Variants in XPR1 observed in about 807,000 individuals in gnomAD.
XPR1 encodes solute carrier family 53 member 1.
Under a neutral mutation model 87.5 loss-of-function variants are expected in XPR1, and 28 were observed. The observed-to-expected ratio is 0.32, with a 90% CI of 0.24 to 0.44. The LOEUF is 0.44. Among genes scored for constraint, XPR1 ranks in the 20% least tolerant of loss-of-function variants. XPR1 has a pLI of 1.00. For synonymous variants in XPR1, 300 were observed against 306.1 expected (o/e 0.98, Z 0.21); for missense variants, 559 against 862.3 (o/e 0.65, Z 4.41).
At position 180,888,230 on chromosome 1, in the gene XPR1, C is replaced by G. The variant is rs965366928; in HGVS notation, c.*4164C>G. On this transcript the variant is annotated 3_prime_UTR_variant, in exon 15 of 15. Transcript: ENST00000367590. The stretch of plus-strand genomic sequence containing the variant: ...CCAAATGCAGTTTTCTAAGCAGTGA[C>G]CACAAAAATTTCTTATTCTAAGGAA... The G allele has an allele frequency of 5.9e-5, 9 of 151,824 alleles. No individual in the cohort carries two copies. The highest frequency in any genetic ancestry group is 1.2e-4 in the Non-Finnish European group (8 of 67,978). The allele number at this position is 151,824 out of a possible 1,614,324, so 9.4% of individuals were successfully genotyped here.
rs529572627 is a variant in XPR1 at position 180,632,634 on chromosome 1, C to A, written c.69+364C>A. The stretch of plus-strand genomic sequence containing the variant: ...CTGTTCCGCGCTAATCCCCTTCTCC[C>A]CACTCGCCCTGACCTCTCGTCCCCA... On this transcript the variant is annotated intron_variant, in intron 1 of 14. Coordinates refer to ENST00000367590, the MANE Select transcript of XPR1 (RefSeq NM_004736.4). Among the ~76,000 whole-genome samples, 201 of 152,352 alleles carry A rather than the reference C, an allele frequency of 1.3e-3. 1 individual carries two copies. Among genetic ancestry groups the A allele is most frequent in the Non-Finnish European group, 2.6e-3 (177 of 68,020 alleles).
At chr1:180,695,408 T>TTGTGTGTGTGTGTGTGTGTG (rs1205037869) in intron 2 of XPR1, among the ~76,000 whole-genome samples, 6 of 148,544 alleles carry the variant, frequency 4.0e-5, no homozygotes, top group African/African-American at 1.5e-4. Flanking sequence ...GTAGTCCCAT[T>TTGTGTGTGTGTGTGTGTGTG]TGTGTGTGTG....
chr1:180,692,909 A>G (rs1257980480), intron 2 of XPR1, among the ~76,000 whole-genome samples: 1 of 152,188 alleles, frequency 6.6e-6, no homozygotes, highest in Non-Finnish European at 1.5e-5. Flanking sequence ...TTTCTTTGTG[A>G]CACTGTTTAA....
intron 11 of XPR1, among the ~76,000 whole-genome samples, chr1:180,850,501 G>C (rs1330356562): frequency 6.6e-6 from 1 of 151,948 alleles, no homozygotes. Context: ...CTGTATTATA[G>C]CTGCTTAAAG....
Position 180,880,311 on chromosome 1 carries a change from C to T in XPR1, c.2030+14C>T, listed in dbSNP as rs531371664. 2 of 1,613,736 alleles carry T rather than the reference C, an allele frequency of 1.2e-6. No homozygotes were observed. Among genetic ancestry groups the T allele is most frequent in the South Asian group, 2.2e-5 (2 of 91,056 alleles). ...CCTCGCTTCTCAGTATGTATGGCTT[C>T]TACTTCTGTGAGGCATATTTCCTTT... On this transcript the variant is annotated intron_variant, in intron 14 of 14. Coordinates refer to ENST00000367590, the MANE Select transcript of XPR1 (RefSeq NM_004736.4).
At chr1:180,847,305 T>A (rs1651718337) in intron 11 of XPR1, among the ~76,000 whole-genome samples, 1 of 152,232 alleles carries the variant, frequency 6.6e-6, no homozygotes, top group Non-Finnish European at 1.5e-5. Flanking sequence ...AAACTTTCTA[T>A]TGCAGAAAGT....
At chr1:180,813,129 C>T (rs1325776990) in intron 7 of XPR1, among the ~76,000 whole-genome samples, 2 of 151,440 alleles carry the variant, frequency 1.3e-5, no homozygotes, top group Non-Finnish European at 2.9e-5. Context: ...AACTCCTTGC[C>T]ATTGCCTGCA....
At chr1:180,696,422 C>G (rs1035445367) in intron 2 of XPR1, among the ~76,000 whole-genome samples, 2 of 151,888 alleles carry the variant, frequency 1.3e-5, no homozygotes, top group African/African-American at 4.8e-5. Context: ...AGCAGGACAA[C>G]TTGACTTTCT....
chr1:180,669,937 C>A (rs927705871), intron 1 of XPR1, among the ~76,000 whole-genome samples: 1 of 152,066 alleles, frequency 6.6e-6, no homozygotes, highest in African/African-American at 2.4e-5. Context: ...TATGGGTAAA[C>A]AAAACTGTGG....
At chr1:180,839,823 G>GTAAATA (rs1651439986) in intron 11 of XPR1, among the ~76,000 whole-genome samples, 1 of 152,168 alleles carries the variant, frequency 6.6e-6, no homozygotes, top group Non-Finnish European at 1.5e-5. Context: ...TTGTGAAAAG[G>GTAAATA]TAAATATATG....
intron 2 of XPR1, among the ~76,000 whole-genome samples, chr1:180,698,382 G>A (rs1015001066): frequency 6.6e-6 from 1 of 152,074 alleles, no homozygotes; most frequent in Admixed American, 6.6e-5. Context: ...CATTCAGCTA[G>A]TATGTATCTT....
Position 180,809,486 on chromosome 1 carries a change from TAAAG to T in XPR1, c.682-1919_682-1916del, listed in dbSNP as rs1392544133. Among the ~76,000 whole-genome samples, 3 of 152,166 alleles carry T rather than the reference TAAAG, an allele frequency of 2.0e-5. No homozygotes were observed. The East Asian group carries it at 5.8e-4, about 29-fold the overall frequency. On this transcript the variant is annotated intron_variant, in intron 6 of 14. Coordinates refer to ENST00000367590, the MANE Select transcript of XPR1 (RefSeq NM_004736.4). The stretch of plus-strand genomic sequence containing the variant: ...ATATTATTGTCAAACTGCTTGGAAA[TAAAG>T]AGAAGAATCTTAAAAGCATCCAGAG...
In XPR1 at chr1:180,746,517, A is replaced by G. The variant is rs529956406; in HGVS notation, c.122-41236A>G. On this transcript the variant is annotated intron_variant, in intron 2 of 14. Coordinates refer to ENST00000367590, the MANE Select transcript of XPR1 (RefSeq NM_004736.4). ...ATACCACATTTTCTTTATCCACTCC[A>G]GTTGATGGGCACTTAGGTTGCTTCC... Among the ~76,000 whole-genome samples, 4 of 152,186 alleles carry G rather than the reference A, an allele frequency of 2.6e-5. No individual in the cohort carries two copies. The East Asian group carries it at 7.7e-4, about 29-fold the overall frequency.
At chr1:180,877,789 A>G (rs1375875545) in intron 13 of XPR1, among the ~76,000 whole-genome samples, 1 of 152,254 alleles carries the variant, frequency 6.6e-6, no homozygotes, top group Non-Finnish European at 1.5e-5. Context: ...CTAACTTTCA[A>G]CAGCAACAGT....
At chr1:180,822,260 A>AT (rs1650661381) in intron 7 of XPR1, among the ~76,000 whole-genome samples, 1 of 152,170 alleles carries the variant, frequency 6.6e-6, no homozygotes, top group African/African-American at 2.4e-5. Context: ...TGTTCCAATC[A>AT]TAGTAACTTG....
At chr1:180,651,746 G>A (rs760058745) in intron 1 of XPR1, among the ~76,000 whole-genome samples, 21 of 152,228 alleles carry the variant, frequency 1.4e-4, no homozygotes, top group Non-Finnish European at 2.4e-4. Flanking sequence ...TGGGACCCAT[G>A]GATTAGAAAT....
intron 2 of XPR1, among the ~76,000 whole-genome samples, chr1:180,705,948 T>C (rs1325543572): frequency 1.3e-5 from 2 of 152,200 alleles, no homozygotes; most frequent in African/African-American, 4.8e-5. Context: ...TCTTGAAGCA[T>C]GGTTAACATT....
intron 1 of XPR1, among the ~76,000 whole-genome samples, chr1:180,669,167 G>A (rs1656068729): frequency 6.6e-6 from 1 of 151,670 alleles, no homozygotes; most frequent in African/African-American, 2.4e-5. Context: ...TGTACCACAT[G>A]CACTTGAAAA....
chr1:180,840,673 A>G (rs1007508901), intron 11 of XPR1, among the ~76,000 whole-genome samples: 1 of 151,490 alleles, frequency 6.6e-6, no homozygotes, highest in Non-Finnish European at 1.5e-5. Flanking sequence ...CGTTGGTTAT[A>G]TATCTTAATC....
Sources: allele counts gnomAD v4.1 joint callset (sites outside exome capture counted in the v4.1 genomes callset), GRCh38; gene constraint gnomAD v4.1.1; transcripts MANE v1.5; gene names NCBI Gene and HGNC (gene_info 2026-07-23, HGNC 2026-07-21).